KIAA1958: variants seen among roughly 807,000 people sequenced by gnomAD.
The protein encoded by KIAA1958 is KIAA1958, also known as uncharacterized protein KIAA1958.
KIAA1958 carries 14 observed loss-of-function variants against 47.2 expected under a neutral mutation model. The ratio of observed to expected loss-of-function variants is 0.30; its 90% confidence interval spans 0.20 to 0.46. KIAA1958 has a LOEUF of 0.46. Among genes scored for constraint, KIAA1958 ranks in the 20% least tolerant of loss-of-function variants. KIAA1958 has a pLI of 1.00. For missense variants in KIAA1958, 803 were observed against 909.2 expected (o/e 0.88, Z 1.50); for synonymous variants, 354 against 353.3 (o/e 1.00, Z -0.02).
At chr9:112,509,733 G>A (rs1834292533) in intron 1 of KIAA1958, among the ~76,000 whole-genome samples, 1 of 152,176 alleles carries the variant, frequency 6.6e-6, no homozygotes. Context: ...AGAAAGAGAG[G>A]TTGAAACATT....
chr9:112,512,047 G>A (rs1834333745), intron 1 of KIAA1958, among the ~76,000 whole-genome samples: 1 of 152,114 alleles, frequency 6.6e-6, no homozygotes, highest in Admixed American at 6.6e-5. Flanking sequence ...TTCCCACAAA[G>A]GAAACTGCAG....
At chr9:112,512,358 AAC>A (rs999243151) in intron 1 of KIAA1958, among the ~76,000 whole-genome samples, 73 of 152,352 alleles carry the variant, frequency 4.8e-4, no homozygotes, top group African/African-American at 1.7e-3. Context: ...AACTCAGGAA[AAC>A]AGTTTATTAT....
chr9:112,537,144 C>T (rs531083254), intron 1 of KIAA1958, among the ~76,000 whole-genome samples: 2 of 148,970 alleles, frequency 1.3e-5, no homozygotes, highest in East Asian at 2.0e-4. Flanking sequence ...CTCCCTTTGT[C>T]GCCCAGGCTG....
intron 1 of KIAA1958, among the ~76,000 whole-genome samples, chr9:112,548,714 A>C (rs1305238930): frequency 6.6e-6 from 1 of 152,222 alleles, no homozygotes; most frequent in Non-Finnish European, 1.5e-5. Flanking sequence ...TGTTTTTGGA[A>C]TAAATGAATA....
chr9:112,640,042 T>G (rs2131238236), intron 2 of KIAA1958, among the ~76,000 whole-genome samples: 1 of 152,352 alleles, frequency 6.6e-6, no homozygotes, highest in African/African-American at 2.4e-5. Context: ...GTAGGCCTAT[T>G]TGTATTGCCT....
At chr9:112,549,514 C>T (rs4978498) in intron 1 of KIAA1958, among the ~76,000 whole-genome samples, 145,395 of 152,314 alleles carry the variant, frequency 0.95, 69,468 homozygotes, top group African/African-American at 0.99. Context: ...TTTAGTTAGT[C>T]CACAAGTATT....
intron 1 of KIAA1958, among the ~76,000 whole-genome samples, chr9:112,532,166 G>A (rs1379077473): frequency 6.6e-6 from 1 of 152,212 alleles, no homozygotes; most frequent in African/African-American, 2.4e-5. Context: ...AAGTTGCAGA[G>A]TAGCTTTTGT....
chr9:112,564,378 C>A (rs1458211446), intron 1 of KIAA1958, among the ~76,000 whole-genome samples: 1 of 152,058 alleles, frequency 6.6e-6, no homozygotes, highest in Non-Finnish European at 1.5e-5. Context: ...GATCTAGTGG[C>A]ATTAAAACAC....
chr9:112,492,376 T>C (rs1430510188), intron 1 of KIAA1958, among the ~76,000 whole-genome samples: 1 of 152,236 alleles, frequency 6.6e-6, no homozygotes, highest in East Asian at 1.9e-4. Flanking sequence ...CACACACATA[T>C]GACTTCATTT....
At position 112,635,998 on chromosome 9, in the gene KIAA1958, C is replaced by A. The variant is rs565841720; in HGVS notation, c.1172-9652C>A. 5.0e-3 allele frequency among the ~76,000 whole-genome samples: 753 copies of A among 151,482 alleles called. 6 individuals are homozygous for A. The highest frequency in any genetic ancestry group is 5.8e-3 in the Non-Finnish European group (396 of 67,814). On this transcript the variant is annotated intron_variant, in intron 2 of 3. Transcript: ENST00000337530. ...TAAATCGTATTATTTTCTGTTTAGG[C>A]AATAACTGCATCCCACAACTTTGAT... is the stretch of plus-strand genomic sequence containing the variant.
At chr9:112,537,148 C>T (rs1391161566) in intron 1 of KIAA1958, among the ~76,000 whole-genome samples, 1 of 151,748 alleles carries the variant, frequency 6.6e-6, no homozygotes, top group Non-Finnish European at 1.5e-5. Flanking sequence ...CTTTGTCGCC[C>T]AGGCTGGAGT....
chr9:112,551,886 G>A (rs75942490), intron 1 of KIAA1958, among the ~76,000 whole-genome samples: 1 of 152,336 alleles, frequency 6.6e-6, no homozygotes, highest in Non-Finnish European at 1.5e-5. Context: ...GATTAAAGCA[G>A]TTCTCTAGCA....
At chr9:112,576,406 G>T (rs1245779586) in intron 2 of KIAA1958, among the ~76,000 whole-genome samples, 1 of 152,112 alleles carries the variant, frequency 6.6e-6, no homozygotes, top group Non-Finnish European at 1.5e-5. Context: ...GTACAGTTCA[G>T]TGGGTTTTGG....
chr9:112,590,897 C>T (rs550842282), intron 2 of KIAA1958, among the ~76,000 whole-genome samples: 2 of 152,238 alleles, frequency 1.3e-5, no homozygotes, highest in East Asian at 3.9e-4. Context: ...TTATAATTCA[C>T]CTTACTGTCA....
intron 2 of KIAA1958, among the ~76,000 whole-genome samples, chr9:112,610,438 A>G (rs1049852088): frequency 4.6e-5 from 7 of 152,164 alleles, no homozygotes; most frequent in African/African-American, 1.7e-4. Context: ...AAACTGGTAG[A>G]TAACCAAAAG....
chr9:112,550,844 T>C (rs573810842), intron 1 of KIAA1958, among the ~76,000 whole-genome samples: 10 of 152,092 alleles, frequency 6.6e-5, no homozygotes, highest in Non-Finnish European at 1.5e-4. Context: ...AGTTACTCAG[T>C]CTCCAGCTCC....
At position 112,659,466 on chromosome 9, in the gene KIAA1958, G is replaced by GC; in HGVS notation, c.1549dup (p.Leu517ProfsTer3). 1.2e-6 allele frequency: 2 copies of GC among 1,613,872 alleles called. No homozygotes were observed. Among genetic ancestry groups the GC allele is most frequent in the Non-Finnish European group, 1.7e-6 (2 of 1,179,884 alleles). ...AGAAACTCAAGGAGAAGCTGTGGGTGCTGAGTAAGGCAGGCATGTCGGGCG... is the reference window on the plus strand; with the variant it reads ...AGAAACTCAAGGAGAAGCTGTGGGTGCCTGAGTAAGGCAGGCATGTCGGGCG... On this transcript the variant is annotated frameshift_variant, in exon 4 of 4. Transcript: ENST00000337530. LOFTEE classifies it high-confidence loss of function.
At chr9:112,615,481 A>G (rs1836395024) in intron 2 of KIAA1958, among the ~76,000 whole-genome samples, 1 of 151,840 alleles carries the variant, frequency 6.6e-6, no homozygotes, top group Admixed American at 6.6e-5. Flanking sequence ...ATATGATTTG[A>G]TAATATTAAA....
intron 1 of KIAA1958, among the ~76,000 whole-genome samples, chr9:112,545,825 G>GTGTGT (rs60211721): frequency 1.8e-4 from 17 of 93,060 alleles, no homozygotes; most frequent in South Asian, 6.9e-4. Context: ...AGGTTTCTTT[G>GTGTGT]TTTTTTTTTT....
Sources: allele counts gnomAD v4.1 joint callset (sites outside exome capture counted in the v4.1 genomes callset), GRCh38; gene constraint gnomAD v4.1.1; transcripts MANE v1.5; gene names NCBI Gene and HGNC (gene_info 2026-07-23, HGNC 2026-07-21).